The following SMARCAD1 variants were observed in gnomAD, a reference collection of about 807,000 sequenced individuals.
SMARCAD1 encodes the protein SWI/SNF-related matrix-associated actin-dependent regulator of chromatin subfamily A containing DEAD/H box 1.
Under a neutral mutation model 127.1 loss-of-function variants are expected in SMARCAD1, and 25 were observed. The observed-to-expected ratio is 0.20, with a 90% CI of 0.14 to 0.27. The LOEUF (loss-of-function observed/expected upper bound fraction) is 0.27. SMARCAD1 is among the 10% of genes least tolerant of loss of function. The probability of loss-of-function intolerance (pLI) is 1.00; values close to 1 mark genes in which losing one functional copy is unlikely to be tolerated. For missense variants in SMARCAD1, 807 were observed against 1,206.0 expected (o/e 0.67, Z 4.90); for synonymous variants, 400 against 396.9 (o/e 1.01, Z -0.09).
intron 9 of SMARCAD1, among the ~76,000 whole-genome samples, chr4:94,255,157 T>C (rs1167026824): frequency 1.3e-5 from 2 of 152,078 alleles, no homozygotes; most frequent in Non-Finnish European, 2.9e-5. Context: ...TATTGCTCAG[T>C]CATATTTTAA....
chr4:94,262,962 T>C (rs907321171), intron 9 of SMARCAD1, among the ~76,000 whole-genome samples: 3 of 151,998 alleles, frequency 2.0e-5, no homozygotes, highest in Middle Eastern at 3.5e-3. Context: ...TTTTGAACTT[T>C]TAAGGTCTTA....
At chr4:94,269,455 CTT>C (rs1290676390) in intron 10 of SMARCAD1, among the ~76,000 whole-genome samples, 2 of 149,622 alleles carry the variant, frequency 1.3e-5, no homozygotes, top group Non-Finnish European at 3.0e-5. Flanking sequence ...AAATCTTAGT[CTT>C]AACACTTTGT....
At chr4:94,222,348 A>G (rs1250237506) in intron 2 of SMARCAD1, among the ~76,000 whole-genome samples, 1 of 152,208 alleles carries the variant, frequency 6.6e-6, no homozygotes, top group African/African-American at 2.4e-5. Context: ...CAGAGATACA[A>G]CTGACATAAG....
intron 2 of SMARCAD1, among the ~76,000 whole-genome samples, chr4:94,213,417 G>A (rs1163860261): frequency 6.6e-6 from 1 of 152,114 alleles, no homozygotes; most frequent in Admixed American, 6.5e-5. Flanking sequence ...AGGGTTGGGG[G>A]CAGATTATAG....
Position 94,208,343 on chromosome 4 carries a change from C to A in SMARCAD1, c.-49-3C>A. ...TTTTCCTCTCTTTATTTTTCCCCTG[C>A]AGATAGTTCATTTAAAGCCCCCATC... On this transcript the variant is annotated splice_polypyrimidine_tract_variant and splice_region_variant and intron_variant, in intron 1 of 23. Coordinates refer to ENST00000354268, the MANE Select transcript of SMARCAD1 (RefSeq NM_020159.5). The A allele has an allele frequency of 1.3e-6, 2 of 1,565,564 alleles. No individual in the cohort carries two copies. Among genetic ancestry groups the A allele is most frequent in the Non-Finnish European group, 1.8e-6 (2 of 1,136,888 alleles).
At chr4:94,262,473 T>C (rs910516265) in intron 9 of SMARCAD1, among the ~76,000 whole-genome samples, 1 of 152,200 alleles carries the variant, frequency 6.6e-6, no homozygotes, top group Non-Finnish European at 1.5e-5. Flanking sequence ...AGTTTTTTGC[T>C]CTCAAGCCTT....
At chr4:94,230,033 T>C (rs1336614129) in intron 3 of SMARCAD1, among the ~76,000 whole-genome samples, 1 of 152,158 alleles carries the variant, frequency 6.6e-6, no homozygotes, top group Non-Finnish European at 1.5e-5. Flanking sequence ...TGCACTTGGA[T>C]TATTAATTAA....
intron 9 of SMARCAD1, among the ~76,000 whole-genome samples, chr4:94,264,149 GAAGTA>G (rs1751405748): frequency 6.6e-6 from 1 of 151,840 alleles, no homozygotes; most frequent in African/African-American, 2.4e-5. Flanking sequence ...AGTCTGTTTA[GAAGTA>G]AAGTATCAAG....
At chr4:94,253,773 C>A (rs1749647719) in intron 9 of SMARCAD1, 2 of 779,152 alleles carry the variant, frequency 2.6e-6, no homozygotes, top group Non-Finnish European at 3.1e-6. Flanking sequence ...CAACAGTCAT[C>A]AAATCTTATT....
chr4:94,283,686 A>G (rs951266444), intron 22 of SMARCAD1, among the ~76,000 whole-genome samples: 25 of 151,966 alleles, frequency 1.6e-4, no homozygotes, highest in African/African-American at 6.0e-4. Flanking sequence ...TTAGCCGGGC[A>G]TGGTGGCGGG....
chr4:94,218,114 A>G (rs1292700743), intron 2 of SMARCAD1, among the ~76,000 whole-genome samples: 5 of 152,020 alleles, frequency 3.3e-5, no homozygotes, highest in Non-Finnish European at 5.9e-5. Context: ...ATATCCTACA[A>G]TTTTTATGCA....
intron 21 of SMARCAD1, among the ~76,000 whole-genome samples, chr4:94,282,915 A>C (rs970530250): frequency 1.3e-5 from 2 of 152,108 alleles, no homozygotes; most frequent in Non-Finnish European, 2.9e-5. Flanking sequence ...TTGAAGTAAG[A>C]GTTGGTAGGG....
chr4:94,251,432 T>G (rs1749256138), intron 8 of SMARCAD1, among the ~76,000 whole-genome samples: 1 of 152,156 alleles, frequency 6.6e-6, no homozygotes, highest in Admixed American at 6.5e-5. Context: ...GTTTGGGTTT[T>G]TTTGTTTGTT....
chr4:94,235,640 AT>A (rs761940704), intron 4 of SMARCAD1, among the ~76,000 whole-genome samples: 3,759 of 134,226 alleles, frequency 0.028, 47 homozygotes, highest in African/African-American at 0.052. Context: ...GCTAATGTGA[AT>A]TTTTTTTTTT....
intron 6 of SMARCAD1, among the ~76,000 whole-genome samples, chr4:94,247,563 A>C (rs924364566): frequency 6.6e-6 from 1 of 152,218 alleles, no homozygotes; most frequent in African/African-American, 2.4e-5. Flanking sequence ...ACCATTTTAG[A>C]GTGAACTATT....
intron 9 of SMARCAD1, among the ~76,000 whole-genome samples, chr4:94,264,159 A>G (rs1035347326): frequency 5.9e-5 from 9 of 151,950 alleles, no homozygotes; most frequent in African/African-American, 2.2e-4. Flanking sequence ...GAAGTAAAGT[A>G]TCAAGTGACA....
At chr4:94,237,844 T>C (rs1746934302) in intron 5 of SMARCAD1, among the ~76,000 whole-genome samples, 1 of 152,138 alleles carries the variant, frequency 6.6e-6, no homozygotes, top group African/African-American at 2.4e-5. Context: ...TATACATAAA[T>C]AGAACAAAAA....
intron 23 of SMARCAD1, among the ~76,000 whole-genome samples, chr4:94,288,779 CACTA>C (rs1755324024): frequency 6.6e-6 from 1 of 152,094 alleles, no homozygotes; most frequent in Admixed American, 6.5e-5. Context: ...GTGCTGTTGT[CACTA>C]ACTAGTAAAT....
intron 2 of SMARCAD1, among the ~76,000 whole-genome samples, chr4:94,219,381 GA>G (rs1166963536): frequency 1.3e-5 from 2 of 152,076 alleles, no homozygotes; most frequent in Non-Finnish European, 2.9e-5. Flanking sequence ...TCCCACTAGT[GA>G]TTTTTTTTGT....
Sources: gnomAD v4.1 joint callset for allele counts (sites outside exome capture counted in the v4.1 genomes callset) on GRCh38, gnomAD v4.1.1 for gene constraint, MANE v1.5 for transcripts, NCBI Gene and HGNC (gene_info 2026-07-23, HGNC 2026-07-21) for gene names.